DCHS1: variants seen among roughly 807,000 people sequenced by gnomAD.
DCHS1 encodes dachsous cadherin-related 1.
DCHS1 carries 78 observed loss-of-function variants against 213.9 expected under a neutral mutation model. The ratio of observed to expected loss-of-function variants is 0.36; its 90% confidence interval spans 0.30 to 0.44. The LOEUF (loss-of-function observed/expected upper bound fraction) is 0.44. DCHS1 is among the 20% of genes least tolerant of loss of function. The probability of loss-of-function intolerance (pLI) is 1.00; values close to 1 mark genes in which losing one functional copy is unlikely to be tolerated. For synonymous variants in DCHS1, 1,828 were observed against 1,873.7 expected (o/e 0.98, Z 0.63); for missense variants, 3,946 against 4,395.9 (o/e 0.90, Z 2.89).
rs572926263 is a variant in DCHS1, at chr11:6,628,431, G to C, written c.5371+190C>G. 6.6e-6 allele frequency among the ~76,000 whole-genome samples: 1 copy of C among 152,314 alleles called. No individual in the cohort carries two copies. Among genetic ancestry groups the C allele is most frequent in the Non-Finnish European group, 1.5e-5 (1 of 68,024 alleles). ...AAAGAAATAGGAAGATAGAAACAGAGACACACAGGGAGATAAAGAGCATGG... is the reference window on the plus strand; with the variant it reads ...AAAGAAATAGGAAGATAGAAACAGACACACACAGGGAGATAAAGAGCATGG... On this transcript the variant is annotated intron_variant, in intron 13 of 20. Transcript: ENST00000299441. This position sits in a 1 kb window ranked among gnomAD's most constrained non-coding sequence, Gnocchi z 4.3.
In DCHS1 at chr11:6,626,816, C is replaced by T. The variant is rs1323619507; in HGVS notation, c.6223G>A (p.Ala2075Thr). Residue 2075 changes from alanine (A) to threonine (T), a missense_variant, in exon 14 of 21, where the codon GCT (alanine) becomes ACT (threonine). This residue lies in a region of DCHS1 where 3,384 missense variants were observed against 3,780.1 expected (regional missense o/e 0.90). Transcript: ENST00000299441. The surrounding 1 kb of genome is among the most constrained non-coding windows in gnomAD (Gnocchi z 5.2). ...GPRFPRASSEATIRENAPPGT... is the reference protein window; with the variant it reads ...GPRFPRASSETTIRENAPPGT... ...GGGGGCGCATTCTCACGAATCGTAG[C>T]CTCACTGCTAGCCCGGGGAAAGCGG... 6.2e-7 allele frequency: 1 copy of T among 1,613,010 alleles called. No individual in the cohort carries two copies. The highest frequency in any genetic ancestry group is 8.5e-7 in the Non-Finnish European group (1 of 1,179,852).
intron 5 of DCHS1, 126 bp downstream of exon 5, chr11:6,633,285 TG>T: frequency 9.1e-7 from 1 of 1,099,068 alleles, no homozygotes; most frequent in Non-Finnish European, 1.3e-6. Flanking sequence ...TGTTGGGCAT[TG>T]GTACAGGAGT....
rs1442363706 is a variant in DCHS1, at chr11:6,621,551, C to T, written c.*228G>A. Reference sequence around the variant, plus strand: ...TGAGGAGAACCCAGGGCTGCTACCTCCTTCATATTTCTCCCCACATTGGAC... The same window carrying T: ...TGAGGAGAACCCAGGGCTGCTACCTTCTTCATATTTCTCCCCACATTGGAC... On this transcript the variant is annotated 3_prime_UTR_variant, in exon 21 of 21. Transcript: ENST00000299441. 1.5e-6 allele frequency: 1 copy of T among 685,430 alleles called. No individual in the cohort carries two copies. Among genetic ancestry groups the T allele is most frequent in the South Asian group, 1.5e-5 (1 of 65,662 alleles). 42.5% of individuals were successfully genotyped at this position (685,430 alleles called of 1,614,324 possible). A position where few individuals can be genotyped will look rare whatever the true frequency, so the allele number is the denominator to read the frequency against.
At chr11:6,647,800 T>C (rs1490426375) in intron 1 of DCHS1, among the ~76,000 whole-genome samples, 1 of 152,108 alleles carries the variant, frequency 6.6e-6, no homozygotes, top group African/African-American at 2.4e-5. Flanking sequence ...TACAGGGAAG[T>C]TGAGGGGACA....
Position 6,629,596 on chromosome 11 carries a change from G to A in DCHS1, c.5036-19C>T, listed in dbSNP as rs1356342182. ...TTGGCCCCTGAGGAGGGGCAGCATG[G>A]AGGGCGATCAGAGGGTAAAAATGCT... On this transcript the variant is annotated intron_variant, in intron 11 of 20. Coordinates refer to ENST00000299441, the MANE Select transcript of DCHS1 (RefSeq NM_003737.4). 1 of 1,613,524 alleles carries A rather than the reference G, an allele frequency of 6.2e-7. No individual in the cohort carries two copies. Among genetic ancestry groups the A allele is most frequent in the Non-Finnish European group, 8.5e-7 (1 of 1,179,674 alleles).
rs1298873791 is a variant in DCHS1, at chr11:6,626,036, C to T, written c.6615G>A (p.Gln2205=). Residue 2205 remains glutamine (Q), a synonymous_variant, in exon 17 of 21, where the codon CAG becomes CAA. Transcript: ENST00000299441. The surrounding 1 kb of genome is among the most constrained non-coding windows in gnomAD (Gnocchi z 5.2). ...ADDLDQGSGG[Q]ISYSLAASQP... ...GGGATGCAGCCAGACTGTAGGAAAT[C>T]TGTCCTCCAGAGCCTTGATCCAGGT... 1 of 1,611,990 alleles carries T rather than the reference C, an allele frequency of 6.2e-7. No homozygotes were observed. The highest frequency in any genetic ancestry group is 8.5e-7 in the Non-Finnish European group (1 of 1,179,056).
Position 6,640,004 on chromosome 11 carries a change from T to G in DCHS1, c.1610A>C (p.Asp537Ala), listed in dbSNP as rs1270076886. Residue 537 changes from aspartate to alanine, a missense_variant, in exon 2 of 21, where the codon GAC becomes GCC. This residue lies in a region of DCHS1 where 3,384 missense variants were observed against 3,780.1 expected (regional missense o/e 0.90). Transcript: ENST00000299441. This position sits in a 1 kb window ranked among gnomAD's most constrained non-coding sequence, Gnocchi z 6.5. ...SGIITTAASL[D>A]YELEPQPQLI... is the part of the protein sequence containing the mutation. ...CTGTGGCTGAGGTTCCAACTCATAG[T>G]CCAGTGAGGCAGCCGTAGTGATAAT... 6.2e-7 allele frequency: 1 copy of G among 1,613,934 alleles called. No individual in the cohort carries two copies. The highest frequency in any genetic ancestry group is 1.7e-5 in the Admixed American group (1 of 60,026).
At chr11:6,646,268 T>A (rs1352778617) in intron 1 of DCHS1, among the ~76,000 whole-genome samples, 1 of 152,142 alleles carries the variant, frequency 6.6e-6, no homozygotes, top group Non-Finnish European at 1.5e-5. Flanking sequence ...GCCGGGGCAC[T>A]CGTGGTCAGC....
At position 6,623,211 on chromosome 11, in the gene DCHS1, A is replaced by C. The variant is rs1855733494; in HGVS notation, c.8465T>G (p.Val2822Gly). Residue 2822 changes from valine to glycine, a missense_variant, in exon 21 of 21, where the codon GTG (valine) becomes GGG (glycine). Val to Gly is a moderately radical substitution (Grantham distance 109). This residue lies in a region of DCHS1 where 3,384 missense variants were observed against 3,780.1 expected (regional missense o/e 0.90). Coordinates refer to ENST00000299441, the MANE Select transcript of DCHS1 (RefSeq NM_003737.4). ...GTGGCCACGCCGGGCACCTTCGGGCACTTGGAAGTGGAAAGCTGGTGCCAG... is the reference window on the plus strand; with the variant it reads ...GTGGCCACGCCGGGCACCTTCGGGCCCTTGGAAGTGGAAAGCTGGTGCCAG... ...VFLAPAFHFQVPEGARRGHSL... is the reference protein window; with the variant it reads ...VFLAPAFHFQGPEGARRGHSL... The C allele has an allele frequency of 6.3e-7, 1 of 1,599,960 alleles. No individual in the cohort carries two copies. The highest frequency in any genetic ancestry group is 1.7e-5 in the Admixed American group (1 of 58,462).
At position 6,630,745 on chromosome 11, in the gene DCHS1, A is replaced by G; in HGVS notation, c.4049T>C (p.Leu1350Pro). The stretch of plus-strand genomic sequence containing the variant: ...CTCTGGCGCTGCCACCGAGCCCAAC[A>G]GAGAGCCGGGCCGCAGTCCCTCAGC... ...TAAEGLRPGS[L>P]LGSVAAPEPA... Residue 1350 changes from leucine to proline, a missense_variant, in exon 10 of 21, where the codon CTG (leucine) becomes CCG (proline). Coordinates refer to ENST00000299441, the MANE Select transcript of DCHS1 (RefSeq NM_003737.4). 1.3e-6 allele frequency: 2 copies of G among 1,545,586 alleles called. No individual in the cohort carries two copies. The highest frequency in any genetic ancestry group is 1.7e-6 in the Non-Finnish European group (2 of 1,147,474).
In DCHS1 at chr11:6,622,821, G is replaced by A; in HGVS notation, c.8855C>T (p.Ala2952Val). The change falls in exon 21 of 21, where the codon GCA becomes GTA. Residue 2952 changes from alanine to valine, a missense_variant. Physicochemically the swap from Ala to Val is moderately conservative, Grantham distance 64. Transcript: ENST00000299441. This position sits in a 1 kb window ranked among gnomAD's most constrained non-coding sequence, Gnocchi z 5.4. The part of the protein sequence containing the change: ...AASLGVVVVL[A>V]LAALVLGLVR... ...AAGTCCTAGGACCAGGGCTGCCAGT[G>A]CAAGCACCACCACAACTCCCAAGGA... 4 of 1,593,960 alleles carry A rather than the reference G, an allele frequency of 2.5e-6. No individual in the cohort carries two copies. The highest frequency in any genetic ancestry group is 3.4e-6 in the Non-Finnish European group (4 of 1,170,416).
chr11:6,654,245 G>A (rs1261088451), intron 1 of DCHS1, among the ~76,000 whole-genome samples: 1 of 152,150 alleles, frequency 6.6e-6, no homozygotes, highest in African/African-American at 2.4e-5. Flanking sequence ...TTGTACAAGT[G>A]GCTGTGTGGT....
In DCHS1 at chr11:6,622,738, G is replaced by A. The variant is rs1392772155; in HGVS notation, c.8938C>T (p.Pro2980Ser). Residue 2980 changes from proline to serine, a missense_variant, in exon 21 of 21, where the codon CCC (proline) becomes TCC (serine). Pro to Ser is a moderately conservative substitution (Grantham distance 74). Around this residue, in one of 3 missense-constraint regions of DCHS1, gnomAD observed 554 missense variants for 590.2 expected, o/e 0.94. Coordinates refer to ENST00000299441, the MANE Select transcript of DCHS1 (RefSeq NM_003737.4). This position sits in a 1 kb window ranked among gnomAD's most constrained non-coding sequence, Gnocchi z 5.4. Reference sequence around the variant, plus strand: ...TTCTGCAGTGAGTCACTGGCTAGGGGTGCTGCCTGTGACATTGGGCCAGGG... The same window carrying A: ...TTCTGCAGTGAGTCACTGGCTAGGGATGCTGCCTGTGACATTGGGCCAGGG... The part of the protein sequence containing the change: ...AAPGPMSQAA[P>S]LASDSLQKLG... 3.1e-6 allele frequency: 5 copies of A among 1,590,740 alleles called. No individual in the cohort carries two copies. Among genetic ancestry groups the A allele is most frequent in the African/African-American group, 1.3e-5 (1 of 74,560 alleles).
Position 6,621,682 on chromosome 11 carries a change from CCAGT to C in DCHS1, c.*93_*96del. On this transcript the variant is annotated 3_prime_UTR_variant, in exon 21 of 21. Coordinates refer to ENST00000299441, the MANE Select transcript of DCHS1 (RefSeq NM_003737.4). ...GGGCCTGGTGGTGGCCTCCCCGTAG[CCAGT>C]CATAGTCCGAGGCTGCCCAGGGCAG... The C allele has an allele frequency of 7.0e-7, 1 of 1,423,590 alleles. No homozygotes were observed. Among genetic ancestry groups the C allele is most frequent in the South Asian group, 1.2e-5 (1 of 81,002 alleles). 88.2% of individuals were successfully genotyped at this position (1,423,590 alleles called of 1,614,324 possible).
At chr11:6,654,864 C>T (rs992251532) in intron 1 of DCHS1, among the ~76,000 whole-genome samples, 2 of 152,130 alleles carry the variant, frequency 1.3e-5, no homozygotes, top group Admixed American at 6.5e-5. Context: ...TCCCTCTCCC[C>T]ACCCCCTCCA....
intron 1 of DCHS1, among the ~76,000 whole-genome samples, chr11:6,642,335 G>A (rs1345949449): frequency 6.6e-6 from 1 of 152,160 alleles, no homozygotes; most frequent in Non-Finnish European, 1.5e-5. Flanking sequence ...TGGCTTCATA[G>A]AGCTTATAGT....
At chr11:6,654,373 T>G (rs1026560555) in intron 1 of DCHS1, among the ~76,000 whole-genome samples, 2 of 152,194 alleles carry the variant, frequency 1.3e-5, no homozygotes, top group African/African-American at 4.8e-5. Flanking sequence ...TGACAGTGCT[T>G]CTGATGGATG....
rs894232634 is a variant in DCHS1 at position 6,652,191 on chromosome 11, A to C, written c.-121+3372T>G. Among the ~76,000 whole-genome samples the C allele has an allele frequency of 4.6e-5, 7 of 152,358 alleles. No individual in the cohort carries two copies. In the East Asian group the frequency reaches 7.7e-4, roughly 17 times the overall value. ...TTATTTGCCTGTTAAATGTTGATAGAATAAAATCATGGCTCAGAAGCCAAA... is the reference window on the plus strand; with the variant it reads ...TTATTTGCCTGTTAAATGTTGATAGCATAAAATCATGGCTCAGAAGCCAAA... On this transcript the variant is annotated intron_variant, in intron 1 of 20. Coordinates refer to ENST00000299441, the MANE Select transcript of DCHS1 (RefSeq NM_003737.4).
chr11:6,634,777 T>TG (rs2134635973), intron 2 of DCHS1, among the ~76,000 whole-genome samples: 1 of 126,638 alleles, frequency 7.9e-6, no homozygotes, highest in Admixed American at 8.0e-5. Context: ...ACTAAAAAAA[T>TG]GAAAAAAAAA....
Sources: gnomAD v4.1 joint callset for allele counts (sites outside exome capture counted in the v4.1 genomes callset) on GRCh38, gnomAD v4.1.1 for gene constraint, gnomAD v4.1.1 regional missense constraint, Gnocchi (gnomAD v3.1) non-coding constraint, MANE v1.5 for transcripts, NCBI Gene and HGNC (gene_info 2026-07-23, HGNC 2026-07-21) for gene names.